The following MYCBP2 variants were observed in gnomAD, a reference collection of about 807,000 sequenced individuals.
MYCBP2 encodes MYC binding protein 2, also known as E3 ubiquitin-protein ligase MYCBP2.
In MYCBP2, 120 loss-of-function variants were observed where a neutral mutation model predicts 525.3. The observed-to-expected ratio is 0.23, with a 90% CI of 0.20 to 0.27. The LOEUF (loss-of-function observed/expected upper bound fraction) is 0.27. Among genes scored for constraint, MYCBP2 ranks in the 10% least tolerant of loss-of-function variants. The pLI, the probability that MYCBP2 is intolerant of heterozygous loss-of-function variation, is 1.00. For missense variants in MYCBP2, 4,149 were observed against 5,657.1 expected (o/e 0.73, Z 8.55); for synonymous variants, 1,894 against 1,955.8 (o/e 0.97, Z 0.83).
chr13:77,120,616 T>C (rs560733539), intron 55 of MYCBP2, among the ~76,000 whole-genome samples: 3 of 152,294 alleles, frequency 2.0e-5, no homozygotes, highest in South Asian at 2.1e-4. Context: ...CTGTGGACAA[T>C]AGGGCTGATT....
chr13:77,183,548 T>TTC (rs1289692092), intron 32 of MYCBP2, among the ~76,000 whole-genome samples: 1 of 110,830 alleles, frequency 9.0e-6, no homozygotes, highest in Non-Finnish European at 1.9e-5. Context: ...TTTCTTTTTT[T>TTC]TTTTTTTTTT....
intron 73 of MYCBP2, among the ~76,000 whole-genome samples, 186 bp downstream of exon 73, chr13:77,064,429 A>G (rs1270830262): frequency 6.6e-6 from 1 of 152,248 alleles, no homozygotes; most frequent in Non-Finnish European, 1.5e-5. Context: ...CAGAACACAT[A>G]ACAGTGAGAA....
Position 77,058,886 on chromosome 13 carries a change from G to GAGGC in MYCBP2, c.13141-484_13141-481dup, listed in dbSNP as rs978274427. Among the ~76,000 whole-genome samples, 3 of 152,144 alleles carry GAGGC rather than the reference G, an allele frequency of 2.0e-5. No individual in the cohort carries two copies. The highest frequency in any genetic ancestry group is 7.2e-5 in the African/African-American group (3 of 41,434). On this transcript the variant is annotated intron_variant, in intron 77 of 82. Transcript: ENST00000544440. This position sits in a 1 kb window ranked among gnomAD's most constrained non-coding sequence, Gnocchi z 4.1. ...TGTAATCCCAGCTACTTAGGAAGCT[G>GAGGC]AGGCAGGAGAATCGCTTGAACCCGG...
chr13:77,250,202 G>A (rs1433918067), intron 15 of MYCBP2, among the ~76,000 whole-genome samples: 2 of 141,196 alleles, frequency 1.4e-5, no homozygotes, highest in Non-Finnish European at 3.1e-5. Flanking sequence ...CAGCCTGGGC[G>A]ACAGAGCGAG....
chr13:77,051,983 A>G (rs2036910880), intron 80 of MYCBP2, 65 bp from the exon 81 acceptor site: 1 of 1,210,138 alleles, frequency 8.3e-7, no homozygotes, highest in East Asian at 2.4e-5. Flanking sequence ...GAGATACAGT[A>G]TGGGCATAGT....
intron 2 of MYCBP2, among the ~76,000 whole-genome samples, chr13:77,296,089 C>T (rs2078159997): frequency 6.6e-6 from 1 of 152,146 alleles, no homozygotes; most frequent in Admixed American, 6.5e-5. Context: ...TAATTTTCAA[C>T]ATCCAGATAT....
chr13:77,061,082 C>A, intron 76 of MYCBP2, 87 bp downstream of exon 76: 1 of 1,369,802 alleles, frequency 7.3e-7, no homozygotes, highest in East Asian at 2.4e-5. Context: ...GAATATCACT[C>A]AAAATTATTC....
chr13:77,190,424 A>C, intron 28 of MYCBP2, 89 bp from the exon 29 acceptor site: 1 of 778,144 alleles, frequency 1.3e-6, no homozygotes, highest in East Asian at 2.5e-5. Flanking sequence ...TCTTATGTCA[A>C]TGAAAATGAT....
chr13:77,180,407 T>C, intron 33 of MYCBP2, 89 bp from the exon 34 acceptor site: 1 of 1,122,828 alleles, frequency 8.9e-7, no homozygotes, highest in Non-Finnish European at 1.3e-6. Context: ...TCTGATACTC[T>C]TAAAATTCAG....
chr13:77,317,150 C>T (rs1272078903), intron 1 of MYCBP2, among the ~76,000 whole-genome samples: 1 of 152,166 alleles, frequency 6.6e-6, no homozygotes, highest in African/African-American at 2.4e-5. Context: ...CAGGGTCTCA[C>T]CATGTTGGCT....
intron 13 of MYCBP2, among the ~76,000 whole-genome samples, chr13:77,259,694 A>G (rs1321982760): frequency 3.3e-5 from 5 of 152,222 alleles, no homozygotes; most frequent in Admixed American, 1.3e-4. Flanking sequence ...GGACAATTAC[A>G]TATATTTCTA....
intron 69 of MYCBP2, among the ~76,000 whole-genome samples, chr13:77,069,863 C>T (rs1338367259): frequency 6.6e-6 from 1 of 150,652 alleles, no homozygotes; most frequent in African/African-American, 2.4e-5. Flanking sequence ...GCGAGACTCC[C>T]TCTCGAAAAA....
chr13:77,046,477 C>G (rs1024091276), intron 82 of MYCBP2, among the ~76,000 whole-genome samples: 1 of 152,164 alleles, frequency 6.6e-6, no homozygotes, highest in Non-Finnish European at 1.5e-5. Context: ...TTTACTTTAC[C>G]TTTTCTAGGT....
chr13:77,122,689 CAAAAAA>C (rs771487864), intron 54 of MYCBP2, among the ~76,000 whole-genome samples: 1 of 52,394 alleles, frequency 1.9e-5, no homozygotes, highest in East Asian at 6.4e-4. Context: ...GACTCCATCT[CAAAAAA>C]AAAAAAAAAA....
rs1240940397 is a variant in MYCBP2, at chr13:77,263,994, T to A, written c.1366A>T (p.Thr456Ser). The change falls in exon 9 of 83, where the codon ACT becomes TCT. Residue 456 changes from threonine (T) to serine (S), a missense_variant. Physicochemically the swap from Thr to Ser is moderately conservative, Grantham distance 58. Coordinates refer to ENST00000544440, the MANE Select transcript of MYCBP2 (RefSeq NM_015057.5). ...GTGAATAAAATATTTTGACCTTCAG[T>A]GTGGCAATCTGTGCAAAAGAAAAAG... ...DGTVMLPDCH[T>S]EGQNILFTDG... 1 of 1,611,772 alleles carries A rather than the reference T, an allele frequency of 6.2e-7. No homozygotes were observed. Among genetic ancestry groups the A allele is most frequent in the South Asian group, 1.1e-5 (1 of 90,872 alleles).
intron 21 of MYCBP2, 38 bp downstream of exon 21, chr13:77,217,802 T>C (rs750074082): frequency 2.3e-6 from 3 of 1,282,054 alleles, no homozygotes; most frequent in Non-Finnish European, 3.4e-6. Context: ...AAGGCAATGG[T>C]ATAATGCAAT....
rs151082775 is a variant in MYCBP2 at position 77,210,829 on chromosome 13, C to T, written c.3416+338G>A. Among the ~76,000 whole-genome samples the T allele has an allele frequency of 3.3e-3, 500 of 152,170 alleles. 3 individuals are homozygous for T. Among genetic ancestry groups the T allele is most frequent in the African/African-American group, 0.011 (440 of 41,498 alleles). ...TAATAATTATAATGATAATAGCAAA[C>T]ACTTATATGGCACCTAGTATGCACC... On this transcript the variant is annotated intron_variant, in intron 23 of 82. Coordinates refer to ENST00000544440, the MANE Select transcript of MYCBP2 (RefSeq NM_015057.5).
chr13:77,215,956 C>G (rs2064761234), intron 21 of MYCBP2, among the ~76,000 whole-genome samples: 1 of 152,152 alleles, frequency 6.6e-6, no homozygotes, highest in East Asian at 1.9e-4. Context: ...CGTCCTGTAG[C>G]AATGAACACT....
intron 55 of MYCBP2, among the ~76,000 whole-genome samples, chr13:77,111,775 T>A (rs934212703): frequency 6.6e-6 from 1 of 152,138 alleles, no homozygotes; most frequent in Admixed American, 6.6e-5. Flanking sequence ...TTCATAATAT[T>A]TTCAGTTATC....
Sources: gnomAD v4.1 joint callset for allele counts (sites outside exome capture counted in the v4.1 genomes callset) on GRCh38, gnomAD v4.1.1 for gene constraint, Gnocchi (gnomAD v3.1) non-coding constraint, MANE v1.5 for transcripts, NCBI Gene and HGNC (gene_info 2026-07-23, HGNC 2026-07-21) for gene names.